Variants in GRK5 observed in about 807,000 individuals in gnomAD.
The protein encoded by GRK5 is g protein-coupled receptor kinase GRK5.
GRK5 carries 40 observed loss-of-function variants against 78.4 expected under a neutral mutation model. The observed-to-expected ratio is 0.51, with a 90% CI of 0.40 to 0.66. The LOEUF is 0.66. Among genes scored for constraint, GRK5 ranks in the 30% least tolerant of loss-of-function variants. The pLI is 0.00. For missense variants in GRK5, 598 were observed against 759.9 expected (o/e 0.79, Z 2.50); for synonymous variants, 289 against 296.8 (o/e 0.97, Z 0.27).
intron 1 of GRK5, among the ~76,000 whole-genome samples, chr10:119,303,869 G>A (rs1039674379): frequency 2.6e-5 from 4 of 152,026 alleles, no homozygotes; most frequent in Admixed American, 1.3e-4. Flanking sequence ...GACCCCAGCC[G>A]TCCCTTGGGT....
In GRK5 at chr10:119,387,352, C is replaced by G. The variant is rs138218438; in HGVS notation, c.261+6425C>G. Among the ~76,000 whole-genome samples the G allele has an allele frequency of 1.8e-3, 277 of 152,242 alleles. 1 individual carries two copies. Among genetic ancestry groups the G allele is most frequent in the African/African-American group, 6.3e-3 (263 of 41,518 alleles). On this transcript the variant is annotated intron_variant, in intron 3 of 15. Transcript: ENST00000392870. ...ATTTCTCAAGTCAAGTGGAAGGCTG[C>G]AGCTGTTTTTTAATGACGGCCCAGG...
In GRK5 at chr10:119,219,499, T is replaced by A. The variant is rs190926599; in HGVS notation, c.52+11530T>A. Among the ~76,000 whole-genome samples the A allele has an allele frequency of 3.4e-3, 511 of 152,292 alleles. 1 individual carries two copies. Among genetic ancestry groups the A allele is most frequent in the African/African-American group, 0.012 (487 of 41,554 alleles). ...CACTTCTGGTCACAAGCATTTCAGATAAGGGATACTCAACCTGTATTTATG... is the reference window on the plus strand; with the variant it reads ...CACTTCTGGTCACAAGCATTTCAGAAAAGGGATACTCAACCTGTATTTATG... On this transcript the variant is annotated intron_variant, in intron 1 of 15. Coordinates refer to ENST00000392870, the MANE Select transcript of GRK5 (RefSeq NM_005308.3).
intron 2 of GRK5, among the ~76,000 whole-genome samples, chr10:119,344,043 G>T (rs1168293674): frequency 2.0e-5 from 3 of 151,750 alleles, no homozygotes; most frequent in Admixed American, 1.3e-4. Context: ...CTCTCCTGCA[G>T]TGTCAGGCCA....
intron 4 of GRK5, among the ~76,000 whole-genome samples, chr10:119,408,341 CAAAAA>C (rs67973033): frequency 1.2e-4 from 6 of 48,698 alleles, no homozygotes; most frequent in Non-Finnish European, 1.8e-4. Context: ...AACCCTGTCT[CAAAAA>C]AAAAAAAAAA....
At chr10:119,222,503 G>C (rs1186617987) in intron 1 of GRK5, among the ~76,000 whole-genome samples, 1 of 152,044 alleles carries the variant, frequency 6.6e-6, no homozygotes, top group Non-Finnish European at 1.5e-5. Context: ...CTAAAGGTTT[G>C]CATGGAATTT....
At chr10:119,357,642 T>C (rs1290582307) in intron 2 of GRK5, among the ~76,000 whole-genome samples, 1 of 152,152 alleles carries the variant, frequency 6.6e-6, no homozygotes, top group Non-Finnish European at 1.5e-5. Context: ...ACAATAGCAA[T>C]AGCGGCTCAC....
At chr10:119,303,295 G>A (rs1476970217) in intron 1 of GRK5, among the ~76,000 whole-genome samples, 2 of 152,232 alleles carry the variant, frequency 1.3e-5, no homozygotes, top group Non-Finnish European at 2.9e-5. Flanking sequence ...TGGATGAGGT[G>A]TAGCAGGATT....
chr10:119,448,189 C>T lies in GRK5; in HGVS notation c.1333C>T (p.His445Tyr). ...QEEGAAEVKR[H>Y]PFFRNMNFKR... ...GGAGGGGGCTGCAGAGGTCAAGAGA[C>T]ACCCCTTCTTCAGGAACATGAACTT... The change falls in exon 13 of 16, where the codon CAC becomes TAC. Residue 445 changes from histidine (H) to tyrosine (Y), a missense_variant. Coordinates refer to ENST00000392870, the MANE Select transcript of GRK5 (RefSeq NM_005308.3). The T allele has an allele frequency of 6.3e-7, 1 of 1,590,888 alleles. No homozygotes were observed. The highest frequency in any genetic ancestry group is 8.5e-7 in the Non-Finnish European group (1 of 1,170,514).
intron 2 of GRK5, 71 bp downstream of exon 2, chr10:119,326,682 A>T: frequency 8.4e-7 from 1 of 1,187,838 alleles, no homozygotes. Context: ...TTGTGCATTA[A>T]GGCAAATGGG....
chr10:119,280,572 A>C (rs534176784), intron 1 of GRK5, among the ~76,000 whole-genome samples: 1 of 152,260 alleles, frequency 6.6e-6, no homozygotes, highest in Admixed American at 6.5e-5. Flanking sequence ...TAGGGGTCTC[A>C]GCATGGAAAT....
intron 13 of GRK5, among the ~76,000 whole-genome samples, chr10:119,448,685 G>A (rs972908067): frequency 1.3e-5 from 2 of 152,056 alleles, no homozygotes; most frequent in African/African-American, 4.8e-5. Context: ...TGCATGCATC[G>A]AGCACTACTG....
chr10:119,350,897 G>A (rs1397537051), intron 2 of GRK5, among the ~76,000 whole-genome samples: 1 of 152,200 alleles, frequency 6.6e-6, no homozygotes, highest in Non-Finnish European at 1.5e-5. Flanking sequence ...GGCTGGGCCT[G>A]CTGTCCAGGT....
intron 1 of GRK5, among the ~76,000 whole-genome samples, chr10:119,326,059 C>T (rs1314018354): frequency 6.6e-6 from 1 of 152,208 alleles, no homozygotes; most frequent in Non-Finnish European, 1.5e-5. Flanking sequence ...ATCTAGCCTC[C>T]AGCTGGGGAA....
chr10:119,299,005 T>C (rs1850129777), intron 1 of GRK5, among the ~76,000 whole-genome samples: 1 of 152,186 alleles, frequency 6.6e-6, no homozygotes, highest in African/African-American at 2.4e-5. Context: ...GGCTGGCACA[T>C]CCACTTCCCA....
intron 12 of GRK5, among the ~76,000 whole-genome samples, chr10:119,444,319 G>A (rs1323007138): frequency 6.6e-6 from 1 of 152,138 alleles, no homozygotes; most frequent in African/African-American, 2.4e-5. Context: ...CCACCCAAAA[G>A]CTGGGTGGGT....
At chr10:119,293,299 C>A (rs1204742770) in intron 1 of GRK5, among the ~76,000 whole-genome samples, 1 of 152,146 alleles carries the variant, frequency 6.6e-6, no homozygotes, top group African/African-American at 2.4e-5. Context: ...GTGGGTGGAT[C>A]ACTTGAGGTC....
At chr10:119,241,549 G>A (rs1211468921) in intron 1 of GRK5, among the ~76,000 whole-genome samples, 1 of 152,210 alleles carries the variant, frequency 6.6e-6, no homozygotes, top group African/African-American at 2.4e-5. Flanking sequence ...AAGAGTTGAT[G>A]GTAGTGTTGT....
rs117821489 is a variant in GRK5 at position 119,352,187 on chromosome 10, G to A, written c.148+25576G>A. ...AATAAAATCTTGAGTTAGGCCATGC[G>A]TTGGCTCTTCTGTGTCATCAGGGTC... On this transcript the variant is annotated intron_variant, in intron 2 of 15. Coordinates refer to ENST00000392870, the MANE Select transcript of GRK5 (RefSeq NM_005308.3). Among the ~76,000 whole-genome samples, 148 of 152,246 alleles carry A rather than the reference G, an allele frequency of 9.7e-4. 2 individuals carry two copies. In the East Asian group the frequency reaches 0.019, roughly 19 times the overall value.
chr10:119,402,113 C>G (rs748613489), intron 4 of GRK5, among the ~76,000 whole-genome samples: 1 of 152,202 alleles, frequency 6.6e-6, no homozygotes, highest in Non-Finnish European at 1.5e-5. Context: ...TCATCACTTC[C>G]TCTCGCAGTC....
Sources: gnomAD v4.1 joint callset for allele counts (sites outside exome capture counted in the v4.1 genomes callset) on GRCh38, gnomAD v4.1.1 for gene constraint, MANE v1.5 for transcripts, NCBI Gene and HGNC (gene_info 2026-07-23, HGNC 2026-07-21) for gene names.